Variants in SORL1 observed in about 807,000 individuals in gnomAD.
SORL1 encodes the protein sortilin related receptor 1, also known as sortilin-related receptor.
SORL1 carries 127 observed loss-of-function variants against 273.7 expected under a neutral mutation model. The observed-to-expected ratio is 0.46, with a 90% CI of 0.40 to 0.54. The LOEUF is 0.54. Ranked by LOEUF, SORL1 falls within the 20% of genes least tolerant of loss-of-function variation. The pLI is 0.00. For synonymous variants in SORL1, 1,031 were observed against 1,067.4 expected (o/e 0.97, Z 0.66); for missense variants, 2,494 against 2,846.1 (o/e 0.88, Z 2.81).
intron 27 of SORL1, 93 bp downstream of exon 27, chr11:121,586,422 C>A (rs1863110550): frequency 3.1e-6 from 3 of 969,012 alleles, no homozygotes; most frequent in Non-Finnish European, 5.0e-6. Flanking sequence ...TTCCTCAGTA[C>A]CTGCTTGTGG....
chr11:121,532,664 G>T, intron 12 of SORL1, 112 bp downstream of exon 12: 7 of 850,514 alleles, frequency 8.2e-6, no homozygotes, highest in Non-Finnish European at 1.1e-5. Flanking sequence ...AGCACAATTT[G>T]TGATCTCTGG....
rs1219110747 is a variant in SORL1, at chr11:121,458,292, TG to T, written c.285+5678del. 8.5e-5 allele frequency among the ~76,000 whole-genome samples: 13 copies of T among 152,298 alleles called. 1 individual carries two copies. The South Asian group carries it at 2.7e-3, about 32-fold the overall frequency. On this transcript the variant is annotated intron_variant, in intron 1 of 47. Coordinates refer to ENST00000260197, the MANE Select transcript of SORL1 (RefSeq NM_003105.6). ...TAAATGTATTCAGGGAAAGGCAGTTTGGAGTTTAGAATTTGCGACAATAATT... is the reference window on the plus strand; with the variant it reads ...TAAATGTATTCAGGGAAAGGCAGTTTGAGTTTAGAATTTGCGACAATAATT...
intron 26 of SORL1, among the ~76,000 whole-genome samples, chr11:121,585,355 C>T (rs1321302124): frequency 3.3e-5 from 5 of 152,020 alleles, no homozygotes; most frequent in South Asian, 2.1e-4. Flanking sequence ...CAGTGGCGCA[C>T]GCCTGTGGTC....
chr11:121,556,755 A>G (rs1237511156), intron 18 of SORL1, among the ~76,000 whole-genome samples: 2 of 152,156 alleles, frequency 1.3e-5, no homozygotes, highest in Non-Finnish European at 1.5e-5. Flanking sequence ...CCTTGATTAG[A>G]TTAAGCAGTG....
At chr11:121,482,935 T>C (rs772345165) in intron 3 of SORL1, among the ~76,000 whole-genome samples, 10 of 152,228 alleles carry the variant, frequency 6.6e-5, no homozygotes, top group Non-Finnish European at 1.3e-4. Flanking sequence ...TGGGTCTATT[T>C]CTGCATTAGC....
chr11:121,567,695 T>C (rs1862774088), intron 22 of SORL1, among the ~76,000 whole-genome samples: 1 of 152,194 alleles, frequency 6.6e-6, no homozygotes, highest in African/African-American at 2.4e-5. Context: ...AATTTGAATA[T>C]AGAGATTTAA....
At chr11:121,588,878 A>G (rs1225113603) in intron 28 of SORL1, among the ~76,000 whole-genome samples, 1 of 152,062 alleles carries the variant, frequency 6.6e-6, no homozygotes, top group East Asian at 1.9e-4. Flanking sequence ...TCTGTGTCTA[A>G]ATTTCCTCTT....
chr11:121,573,635 GTC>G (rs1862881666), intron 23 of SORL1, among the ~76,000 whole-genome samples: 1 of 152,116 alleles, frequency 6.6e-6, no homozygotes, highest in Non-Finnish European at 1.5e-5. Context: ...AACAAATCTA[GTC>G]TCTCTGACTG....
intron 24 of SORL1, 52 bp downstream of exon 24, chr11:121,574,415 G>C: frequency 6.4e-7 from 1 of 1,571,126 alleles, no homozygotes; most frequent in Non-Finnish European, 8.8e-7. Context: ...GGGTCATTGT[G>C]CTCCCTCACA....
rs1461796009 is a variant in SORL1, at chr11:121,633,491, T to C, written c.*3928T>C. On this transcript the variant is annotated 3_prime_UTR_variant, in exon 48 of 48. Coordinates refer to ENST00000260197, the MANE Select transcript of SORL1 (RefSeq NM_003105.6). Reference sequence around the variant, plus strand: ...AGGCCTATTCTACTCTTATTTAAAGTGAAACACTGTATACTTGTTTCTCTC... The same window carrying C: ...AGGCCTATTCTACTCTTATTTAAAGCGAAACACTGTATACTTGTTTCTCTC... 6.6e-6 allele frequency: 1 copy of C among 152,248 alleles called. No homozygotes were observed. The highest frequency in any genetic ancestry group is 2.4e-5 in the African/African-American group (1 of 41,470). 9.4% of individuals were successfully genotyped at this position (152,248 alleles called of 1,614,324 possible).
chr11:121,542,839 T>C (rs1862366999), intron 12 of SORL1, among the ~76,000 whole-genome samples: 1 of 148,204 alleles, frequency 6.7e-6, no homozygotes, highest in Admixed American at 6.8e-5. Flanking sequence ...TTATAATATA[T>C]ATATTGTTGT....
intron 44 of SORL1, 120 bp from the exon 45 acceptor site, chr11:121,622,042 A>AT: frequency 3.2e-6 from 2 of 626,680 alleles, no homozygotes; most frequent in Non-Finnish European, 5.7e-6. Flanking sequence ...TATGTGTTTT[A>AT]TTTTTTCTGT....
intron 32 of SORL1, among the ~76,000 whole-genome samples, chr11:121,601,979 A>G (rs1221969525): frequency 6.6e-6 from 1 of 152,154 alleles, no homozygotes; most frequent in Non-Finnish European, 1.5e-5. Context: ...GTTTCTCTCA[A>G]TAGAAGATAA....
Position 121,588,004 on chromosome 11 carries a change from T to C in SORL1, c.3815-16T>C, listed in dbSNP as rs1264927106. 5 of 1,611,984 alleles carry C rather than the reference T, an allele frequency of 3.1e-6. No individual in the cohort carries two copies. The highest frequency in any genetic ancestry group is 4.2e-6 in the Non-Finnish European group (5 of 1,178,802). On this transcript the variant is annotated splice_polypyrimidine_tract_variant and intron_variant, in intron 27 of 47. Coordinates refer to ENST00000260197, the MANE Select transcript of SORL1 (RefSeq NM_003105.6). Reference sequence around the variant, plus strand: ...GCAGTGCTCATGGCCTCTTCCCTTCTCTGGATCCCTTACAGAGCCCCTCTG... The same window carrying C: ...GCAGTGCTCATGGCCTCTTCCCTTCCCTGGATCCCTTACAGAGCCCCTCTG...
intron 2 of SORL1, among the ~76,000 whole-genome samples, chr11:121,475,083 A>G (rs1861242419): frequency 6.6e-6 from 1 of 151,886 alleles, no homozygotes; most frequent in Non-Finnish European, 1.5e-5. Context: ...CCCATCTCTA[A>G]AAAAAATACA....
chr11:121,452,376 A>G lies in SORL1; in HGVS notation c.45A>G (p.Leu15=), dbSNP rs764189310. 14 of 1,553,600 alleles carry G rather than the reference A, an allele frequency of 9.0e-6. No individual in the cohort carries two copies. The East Asian group carries it at 3.4e-4, about 37-fold the overall frequency. ...GGAGGGAGTCGCGACTCCCGTTCCT[A>G]TTCACCCTGGTCGCACTGCTGCCGC... ...SSRRESRLPF[L]FTLVALLPPG... Residue 15 remains leucine (L), a synonymous_variant, in exon 1 of 48, where the codon CTA becomes CTG. Transcript: ENST00000260197. This position sits in a 1 kb window ranked among gnomAD's most constrained non-coding sequence, Gnocchi z 5.3.
chr11:121,573,644 A>G (rs1416789360), intron 23 of SORL1, among the ~76,000 whole-genome samples: 1 of 152,196 alleles, frequency 6.6e-6, no homozygotes, highest in Non-Finnish European at 1.5e-5. Flanking sequence ...AGTCTCTCTG[A>G]CTGTGATCTC....
intron 8 of SORL1, among the ~76,000 whole-genome samples, chr11:121,517,446 C>T (rs1362822631): frequency 1.3e-5 from 2 of 152,206 alleles, no homozygotes; most frequent in East Asian, 1.9e-4. Flanking sequence ...GAATAATATT[C>T]TCCTTTTAAA....
chr11:121,525,796 C>T (rs886612080), intron 11 of SORL1, among the ~76,000 whole-genome samples: 1 of 152,172 alleles, frequency 6.6e-6, no homozygotes, highest in South Asian at 2.1e-4. Flanking sequence ...TGCCTATAAT[C>T]CCAGCACTTC....
Sources: gnomAD v4.1 joint callset for allele counts (sites outside exome capture counted in the v4.1 genomes callset) on GRCh38, gnomAD v4.1.1 for gene constraint, Gnocchi (gnomAD v3.1) non-coding constraint, MANE v1.5 for transcripts, NCBI Gene and HGNC (gene_info 2026-07-23, HGNC 2026-07-21) for gene names.